SLC22A13: variants seen among roughly 807,000 people sequenced by gnomAD.
The protein encoded by SLC22A13 is solute carrier family 22 member 13, also known as organic anion transporter 10.
Under a neutral mutation model 49.1 loss-of-function variants are expected in SLC22A13, and 42 were observed. That is an observed-to-expected ratio of 0.85 (90% confidence interval 0.67 to 1.11). The LOEUF is 1.11. Among genes scored for constraint, SLC22A13 ranks in the 50% least tolerant of loss-of-function variants. SLC22A13 has a pLI of 0.00. For missense variants in SLC22A13, 694 were observed against 712.8 expected, an observed-to-expected ratio of 0.97 and a Z score of 0.30; for synonymous variants, 282 against 293.1, an observed-to-expected ratio of 0.96 and a Z score of 0.39.
rs148088459 is a variant in SLC22A13, at chr3:38,275,947, A to C, written c.1088A>C (p.Tyr363Ser). 1 of 1,614,102 alleles carries C rather than the reference A, an allele frequency of 6.2e-7. No homozygotes were observed. The highest frequency in any genetic ancestry group is 8.5e-7 in the Non-Finnish European group (1 of 1,180,042). ...LQVGDFGLDV[Y>S]LTQLIFGAVE... is the part of the protein sequence containing the mutation. ...GTGGGGGACTTCGGCCTGGACGTCTATCTGACGCAGCTCATCTTTGGAGCT... is the reference window on the plus strand; with the variant it reads ...GTGGGGGACTTCGGCCTGGACGTCTCTCTGACGCAGCTCATCTTTGGAGCT... Residue 363 changes from tyrosine (Y) to serine (S), a missense_variant, in exon 7 of 10, where the codon TAT becomes TCT. Transcript: ENST00000311856.
chr3:38,275,185 C>A (rs779568745), intron 4 of SLC22A13, 28 bp downstream of exon 4: 3 of 1,611,690 alleles, frequency 1.9e-6, no homozygotes, highest in Non-Finnish European at 2.5e-6. Context: ...CAGGAGCAAG[C>A]CCCCCCAGGT....
chr3:38,271,146 T>G (rs1445504561), intron 1 of SLC22A13, among the ~76,000 whole-genome samples: 1 of 152,256 alleles, frequency 6.6e-6, no homozygotes, highest in African/African-American at 2.4e-5. Context: ...ATATTTAAAC[T>G]TAAATGCAAA....
At position 38,275,636 on chromosome 3, in the gene SLC22A13, A is replaced by C. The variant is rs770120126; in HGVS notation, c.986A>C (p.Gln329Pro). The part of the protein sequence containing the change: ...GNALDLFRHP[Q>P]LRKVTLIIFC... ...GCCCTGGATCTGTTCAGACACCCCCAGCTCCGGAAGGTGACCCTGATTATC... is the reference window on the plus strand; with the variant it reads ...GCCCTGGATCTGTTCAGACACCCCCCGCTCCGGAAGGTGACCCTGATTATC... Residue 329 changes from glutamine (Q) to proline (P), a missense_variant, in exon 6 of 10, where the codon CAG (glutamine) becomes CCG (proline). Gln to Pro is a moderately conservative substitution (Grantham distance 76). Coordinates refer to ENST00000311856, the MANE Select transcript of SLC22A13 (RefSeq NM_004256.4). 4 of 1,614,016 alleles carry C rather than the reference A, an allele frequency of 2.5e-6. No homozygotes were observed. The African/African-American group carries it at 5.3e-5, about 22-fold the overall frequency.
At chr3:38,268,260 T>G (rs1703483216) in intron 1 of SLC22A13, among the ~76,000 whole-genome samples, 1 of 152,212 alleles carries the variant, frequency 6.6e-6, no homozygotes, top group African/African-American at 2.4e-5. Context: ...GTTGGAAGGT[T>G]CCTCAAACAC....
At position 38,275,909 on chromosome 3, in the gene SLC22A13, C is replaced by T. The variant is rs1002207234; in HGVS notation, c.1050C>T (p.Gly350=). 5.6e-6 allele frequency: 9 copies of T among 1,614,196 alleles called. No homozygotes were observed. The highest frequency in any genetic ancestry group is 7.6e-6 in the Non-Finnish European group (9 of 1,180,016). The change falls in exon 7 of 10, where the codon GGC becomes GGT. Residue 350 remains glycine (G), a synonymous_variant. Transcript: ENST00000311856. ...TTGTGGACAGTCTGGGGTACTACGG[C>T]CTGAGCCTCCAAGTGGGGGACTTCG... ...VWFVDSLGYY[G]LSLQVGDFGL...
In SLC22A13 at chr3:38,278,372, GC is replaced by G. The variant is rs1703610853; in HGVS notation, c.*908del. 6.6e-6 allele frequency: 1 copy of G among 152,338 alleles called. No homozygotes were observed. Among genetic ancestry groups the G allele is most frequent in the African/African-American group, 2.4e-5 (1 of 41,446 alleles). 9.4% of individuals were successfully genotyped at this position (152,338 alleles called of 1,614,324 possible). ...CCTTTTCCACGGGCCATCTTCTTGG[GC>G]TTCTCAGAGATCTTCTCAGGCCTTG... On this transcript the variant is annotated 3_prime_UTR_variant, in exon 10 of 10. Transcript: ENST00000311856.
At chr3:38,272,569 A>C (rs1575390383) in intron 1 of SLC22A13, among the ~76,000 whole-genome samples, 1 of 152,216 alleles carries the variant, frequency 6.6e-6, no homozygotes, top group Admixed American at 6.5e-5. Flanking sequence ...ATCTTACTAC[A>C]AAGGCAATCT....
In SLC22A13 at chr3:38,274,371, G is replaced by A. The variant is rs770122882; in HGVS notation, c.478G>A (p.Asp160Asn). ...CACCCTCATGTTTGGGCCCCTCTGC[G>A]ACCGGTAAGAACCTTGCCCTGCCCA... is the stretch of plus-strand genomic sequence containing the variant. ...VGTLMFGPLC[D>N]RIGRKATILA... Residue 160 changes from aspartate (D) to asparagine (N), a missense_variant, in exon 2 of 10, where the codon GAC becomes AAC. By Grantham distance (23) the Asp-to-Asn change is conservative (BLOSUM62 1). Transcript: ENST00000311856. The A allele has an allele frequency of 3.7e-5, 59 of 1,613,342 alleles. No homozygotes were observed. In the Middle Eastern group the frequency reaches 1.3e-3, roughly 36 times the overall value.
intron 1 of SLC22A13, among the ~76,000 whole-genome samples, chr3:38,268,753 T>G (rs924352021): frequency 1.3e-5 from 2 of 151,798 alleles, no homozygotes; most frequent in South Asian, 4.1e-4. Flanking sequence ...CACCCAAGGG[T>G]GGAGAGAAAA....
At chr3:38,274,202 G>T in intron 1 of SLC22A13, 70 bp from the exon 2 acceptor site, 1 of 1,145,532 alleles carries the variant, frequency 8.7e-7, no homozygotes, top group Non-Finnish European at 1.3e-6. Flanking sequence ...AGGGTTTGTA[G>T]TGGGACAGGT....
intron 3 of SLC22A13, 51 bp from the exon 4 acceptor site, chr3:38,274,938 G>A (rs754256816): frequency 6.3e-7 from 1 of 1,599,642 alleles, no homozygotes; most frequent in Admixed American, 1.7e-5. Flanking sequence ...TAGGAGTAAT[G>A]GGGAGTGAAT....
chr3:38,272,920 A>G (rs568361147), intron 1 of SLC22A13, among the ~76,000 whole-genome samples: 3 of 152,224 alleles, frequency 2.0e-5, no homozygotes, highest in South Asian at 4.2e-4. Flanking sequence ...AGATGTCTCA[A>G]CTCTACCAGC....
intron 1 of SLC22A13, among the ~76,000 whole-genome samples, chr3:38,273,529 T>C (rs570828873): frequency 2.0e-5 from 3 of 152,190 alleles, no homozygotes; most frequent in African/African-American, 7.2e-5. Flanking sequence ...TGCAGCCAGG[T>C]AGAAAAACAT....
rs559412451 is a variant in SLC22A13, at chr3:38,274,655, C to T, written c.534C>T (p.Ile178=). 67 of 1,614,134 alleles carry T rather than the reference C, an allele frequency of 4.2e-5. No homozygotes were observed. Among genetic ancestry groups the T allele is most frequent in the Middle Eastern group, 1.6e-4 (1 of 6,062 alleles). Residue 178 remains isoleucine, a synonymous_variant, in exon 3 of 10, where the codon ATC becomes ATT. Transcript: ENST00000311856. The part of the protein sequence containing the change: ...ILAQLLLFTL[I]GLATAFVPSF... ...CGCAGCTGCTCCTCTTCACCCTCAT[C>T]GGCCTGGCCACAGCTTTTGTGCCCA...
chr3:38,276,436 ATGC>A (rs1489022208), intron 8 of SLC22A13, 41 bp downstream of exon 8: 1 of 1,424,636 alleles, frequency 7.0e-7, no homozygotes, highest in East Asian at 2.3e-5. Context: ...TGCTACTGAG[ATGC>A]TGATTTGGCT....
At chr3:38,267,525 T>C (rs1312089646) in intron 1 of SLC22A13, among the ~76,000 whole-genome samples, 1 of 152,174 alleles carries the variant, frequency 6.6e-6, no homozygotes, top group Non-Finnish European at 1.5e-5. Context: ...CCAAATATCA[T>C]CATTCTCAAA....
intron 1 of SLC22A13, 91 bp downstream of exon 1, chr3:38,266,329 C>A: frequency 1.4e-6 from 2 of 1,433,212 alleles, no homozygotes; most frequent in South Asian, 1.3e-5. Flanking sequence ...GGCTCTGTAT[C>A]TGCCCCATGC....
chr3:38,274,252 T>G lies in SLC22A13; in HGVS notation c.379-20T>G. ...CCTCCTTGCAGCCCCTGGACTCACA[T>G]CTGCCTGTGTCTCCCTCAGTTCAAC... On this transcript the variant is annotated intron_variant, in intron 1 of 9. Coordinates refer to ENST00000311856, the MANE Select transcript of SLC22A13 (RefSeq NM_004256.4). 6.3e-7 allele frequency: 1 copy of G among 1,587,156 alleles called. No homozygotes were observed. Among genetic ancestry groups the G allele is most frequent in the Non-Finnish European group, 8.7e-7 (1 of 1,155,350 alleles).
intron 1 of SLC22A13, 83 bp from the exon 2 acceptor site, chr3:38,274,189 T>C (rs1703549979): frequency 9.7e-7 from 1 of 1,029,078 alleles, no homozygotes; most frequent in Non-Finnish European, 1.5e-6. Flanking sequence ...GCTCCTGCCC[T>C]GAAGGGTTTG....
Sources: gnomAD v4.1 joint callset for allele counts (sites outside exome capture counted in the v4.1 genomes callset) on GRCh38, gnomAD v4.1.1 for gene constraint, MANE v1.5 for transcripts, NCBI Gene and HGNC (gene_info 2026-07-23, HGNC 2026-07-21) for gene names.